CDK14: variants seen among roughly 807,000 people sequenced by gnomAD.
CDK14 encodes the protein cyclin-dependent kinase 14.
Under a neutral mutation model 60.7 loss-of-function variants are expected in CDK14, and 34 were observed. The ratio of observed to expected loss-of-function variants is 0.56; its 90% CI spans 0.43 to 0.75. The LOEUF is 0.75. Among genes scored for constraint, CDK14 ranks in the 30% least tolerant of loss-of-function variants. The probability of loss-of-function intolerance (pLI) is 0.00; values close to 1 mark genes in which losing one functional copy is unlikely to be tolerated. For synonymous variants in CDK14, 197 were observed against 203.7 expected, an observed-to-expected ratio of 0.97 and a Z score of 0.28; for missense variants, 482 against 564.1, an observed-to-expected ratio of 0.85 and a Z score of 1.47.
chr7:91,070,061 T>G (rs1798093596), intron 11 of CDK14, among the ~76,000 whole-genome samples: 1 of 152,172 alleles, frequency 6.6e-6, no homozygotes, highest in Non-Finnish European at 1.5e-5. Context: ...CCTCCCAAAA[T>G]GCTGGGATTA....
rs530967329 is a variant in CDK14 at position 90,928,457 on chromosome 7, T to C, written c.826+10733T>C. ...CCTTCTAACAGTCAGGACCCTCAGC[T>C]GCAGGTCTGTTGGAGTTTGCTGGAG... On this transcript the variant is annotated intron_variant, in intron 8 of 14. Coordinates refer to ENST00000380050, the MANE Select transcript of CDK14 (RefSeq NM_001287135.2). Among the ~76,000 whole-genome samples, 18 of 152,352 alleles carry C rather than the reference T, an allele frequency of 1.2e-4. 1 individual carries two copies. The South Asian group carries it at 3.7e-3, about 32-fold the overall frequency.
chr7:91,024,066 C>T (rs1469103024), intron 10 of CDK14, among the ~76,000 whole-genome samples: 3 of 151,810 alleles, frequency 2.0e-5, no homozygotes, highest in Non-Finnish European at 2.9e-5. Flanking sequence ...AGCCATCATA[C>T]CCAGCCAGAA....
At chr7:91,194,150 T>A (rs1006261184) in intron 14 of CDK14, among the ~76,000 whole-genome samples, 15 of 152,258 alleles carry the variant, frequency 9.9e-5, no homozygotes, top group African/African-American at 3.6e-4. Context: ...TTTCTTTTAA[T>A]AAGGAAGTAC....
Position 90,668,696 on chromosome 7 carries a change from A to ATTATTTTTTTTT in CDK14, c.124-57869_124-57868insATTTTTTTTTTT, listed in dbSNP as rs1554431005. Among the ~76,000 whole-genome samples, 48 of 68,430 alleles carry ATTATTTTTTTTT rather than the reference A, an allele frequency of 7.0e-4. 4 individuals are homozygous for ATTATTTTTTTTT. The highest frequency in any genetic ancestry group is 8.5e-4 in the Admixed American group (4 of 4,698). The allele number at this position is 68,430 out of a possible 152,430, so 44.9% of individuals were successfully genotyped here. ...TTATATGGTGTAAGGAAGGACTCGC[A>ATTATTTTTTTTT]TTCTTTTTTTTTTTTTTTTTTTTTT... On this transcript the variant is annotated intron_variant, in intron 2 of 14. Transcript: ENST00000380050.
chr7:90,976,563 G>A (rs1012014352), intron 9 of CDK14, among the ~76,000 whole-genome samples: 22 of 151,764 alleles, frequency 1.4e-4, no homozygotes, highest in African/African-American at 5.1e-4. Context: ...CAGTCTTGCT[G>A]TGTTACCCAG....
At chr7:90,772,538 G>A (rs1336368543) in intron 4 of CDK14, among the ~76,000 whole-genome samples, 1 of 152,138 alleles carries the variant, frequency 6.6e-6, no homozygotes, top group Non-Finnish European at 1.5e-5. Flanking sequence ...TAGTGAGTGA[G>A]TCTCAGGAGA....
At chr7:91,112,025 G>A (rs375919572) in intron 12 of CDK14, among the ~76,000 whole-genome samples, 2 of 152,090 alleles carry the variant, frequency 1.3e-5, no homozygotes, top group South Asian at 2.1e-4. Flanking sequence ...TTAATATTAT[G>A]ATAGTTGATA....
rs148801147 is a variant in CDK14 at position 90,820,068 on chromosome 7, A to G, written c.544+29416A>G. Among the ~76,000 whole-genome samples, 404 of 152,194 alleles carry G rather than the reference A, an allele frequency of 2.7e-3. 2 individuals carry two copies. The highest frequency in any genetic ancestry group is 4.4e-3 in the Non-Finnish European group (300 of 68,020). On this transcript the variant is annotated intron_variant, in intron 5 of 14. Transcript: ENST00000380050. ...CCCAACCCCACTTTTTTGTATTTGA[A>G]GTTCCAAGGGTTGCCAGATTAGATT...
At chr7:90,872,703 T>TATTTG (rs201075393) in intron 6 of CDK14, among the ~76,000 whole-genome samples, 1 of 151,968 alleles carries the variant, frequency 6.6e-6, no homozygotes, top group Non-Finnish European at 1.5e-5. Context: ...ATTCTAGTTT[T>TATTTG]ATGTGATTGC....
In CDK14 at chr7:90,826,477, A is replaced by G. The variant is rs199981572; in HGVS notation, c.544+35825A>G. 1.6e-4 allele frequency among the ~76,000 whole-genome samples: 24 copies of G among 152,098 alleles called. 1 individual carries two copies. Among genetic ancestry groups the G allele is most frequent in the East Asian group, 1.9e-4 (1 of 5,194 alleles). ...CATGATCTGCCCACCTTGGGCTCCC[A>G]AAGTGCTGGGATTACAGGCATGAGC... On this transcript the variant is annotated intron_variant, in intron 5 of 14. Transcript: ENST00000380050.
chr7:91,145,193 A>G (rs1800588202), intron 14 of CDK14, among the ~76,000 whole-genome samples: 1 of 152,198 alleles, frequency 6.6e-6, no homozygotes, highest in Admixed American at 6.5e-5. Flanking sequence ...AAGATTTCCT[A>G]TTGATATTGA....
In CDK14 at chr7:90,737,953, A is replaced by C. The variant is rs182847091; in HGVS notation, c.370-9728A>C. ...TCAGTATGAAGCTATGGACATTCTT[A>C]CTGGATATCAGGGTATCATTACAGT... On this transcript the variant is annotated intron_variant, in intron 3 of 14. Transcript: ENST00000380050. 5.3e-5 allele frequency among the ~76,000 whole-genome samples: 8 copies of C among 152,344 alleles called. No homozygotes were observed. The East Asian group carries it at 1.5e-3, about 29-fold the overall frequency.
chr7:90,901,259 G>A (rs545696787), intron 7 of CDK14, among the ~76,000 whole-genome samples: 3 of 152,268 alleles, frequency 2.0e-5, no homozygotes, highest in Admixed American at 6.5e-5. Flanking sequence ...CTCCTAGGAC[G>A]TGGTGAGAAA....
intron 11 of CDK14, among the ~76,000 whole-genome samples, chr7:91,059,500 G>C (rs1394320706): frequency 1.4e-5 from 2 of 146,076 alleles, no homozygotes; most frequent in Middle Eastern, 3.4e-3. Context: ...TGATGTTAGG[G>C]TGTCAATTTT....
In CDK14 at chr7:90,644,442, C is replaced by T. The variant is rs762159441; in HGVS notation, c.123+40193C>T. On this transcript the variant is annotated intron_variant, in intron 2 of 14. Transcript: ENST00000380050. ...AGTAACTTCCTTCAGGTCTCAGTGC[C>T]GGGAAGGTGAATCTGTGGATCCTTG... Among the ~76,000 whole-genome samples the T allele has an allele frequency of 5.3e-5, 8 of 152,064 alleles. No homozygotes were observed. The East Asian group carries it at 7.7e-4, about 15-fold the overall frequency.
chr7:90,961,181 A>G (rs1794593796), intron 9 of CDK14, among the ~76,000 whole-genome samples: 1 of 152,110 alleles, frequency 6.6e-6, no homozygotes, highest in Non-Finnish European at 1.5e-5. Flanking sequence ...CAACTCCAAA[A>G]CACAAATACA....
At chr7:90,829,587 A>G (rs1438606720) in intron 5 of CDK14, among the ~76,000 whole-genome samples, 3 of 152,070 alleles carry the variant, frequency 2.0e-5, no homozygotes, top group African/African-American at 7.2e-5. Flanking sequence ...ACTGGAGTGC[A>G]GTGGCATGAT....
At chr7:91,059,262 A>G (rs1167620746) in intron 11 of CDK14, among the ~76,000 whole-genome samples, 1 of 151,984 alleles carries the variant, frequency 6.6e-6, no homozygotes, top group African/African-American at 2.4e-5. Context: ...CCCCTTTAAC[A>G]TTTTTTATTG....
intron 6 of CDK14, among the ~76,000 whole-genome samples, chr7:90,878,068 G>A (rs1433946801): frequency 2.0e-5 from 3 of 147,074 alleles, no homozygotes; most frequent in African/African-American, 7.5e-5. Flanking sequence ...GACACATTGT[G>A]TGGCTGTGTG....
Sources: gnomAD v4.1 joint callset for allele counts (sites outside exome capture counted in the v4.1 genomes callset) on GRCh38, gnomAD v4.1.1 for gene constraint, MANE v1.5 for transcripts, NCBI Gene and HGNC (gene_info 2026-07-23, HGNC 2026-07-21) for gene names.